ADAMTSL1: variants seen among roughly 807,000 people sequenced by gnomAD.
ADAMTSL1 encodes the protein ADAMTS like 1, also known as ADAMTS-like protein 1.
A neutral mutation model predicts 201.8 loss-of-function variants in ADAMTSL1; 126 were observed. The ratio of observed to expected loss-of-function variants is 0.62; its 90% confidence interval spans 0.54 to 0.72. ADAMTSL1 has a LOEUF of 0.72. Among genes scored for constraint, ADAMTSL1 ranks in the 30% least tolerant of loss-of-function variants. ADAMTSL1 has a pLI of 0.00. For synonymous variants in ADAMTSL1, 1,121 were observed against 903.4 expected (o/e 1.24, Z -4.32); for missense variants, 2,679 against 2,277.8 (o/e 1.18, Z -3.59).
chr9:18,667,621 T>G (rs558879917), intron 9 of ADAMTSL1, among the ~76,000 whole-genome samples: 1 of 152,294 alleles, frequency 6.6e-6, no homozygotes, highest in Admixed American at 6.5e-5. Context: ...TTTAAAGAGC[T>G]TAGCAGAGTA....
intron 4 of ADAMTSL1, among the ~76,000 whole-genome samples, chr9:18,581,863 C>T (rs1352178787): frequency 6.6e-6 from 1 of 152,220 alleles, no homozygotes; most frequent in African/African-American, 2.4e-5. Context: ...GGCAGCCCTT[C>T]CCTCTCAGCT....
chr9:18,232,125 C>G (rs920445220), intron 2 of ADAMTSL1, among the ~76,000 whole-genome samples: 3 of 152,178 alleles, frequency 2.0e-5, no homozygotes, highest in African/African-American at 7.2e-5. Context: ...AGGAGCCCAT[C>G]TCCTATTTAC....
At chr9:18,509,671 G>T (rs534151080) in intron 2 of ADAMTSL1, among the ~76,000 whole-genome samples, 1 of 152,216 alleles carries the variant, frequency 6.6e-6, no homozygotes, top group African/African-American at 2.4e-5. Flanking sequence ...GTAAGAGAGA[G>T]CAATTCCCAG....
At position 18,887,806 on chromosome 9, in the gene ADAMTSL1, C is replaced by G. The variant is rs185109127; in HGVS notation, c.4250-25C>G. On this transcript the variant is annotated intron_variant, in intron 23 of 28. Coordinates refer to ENST00000380548, the MANE Select transcript of ADAMTSL1 (RefSeq NM_001040272.6). Reference sequence around the variant, plus strand: ...TGTGTTCCTTATGGCTTTACTAAGGCTTACTTCTTTTCCTCTCCTTCTAGG... The same window carrying G: ...TGTGTTCCTTATGGCTTTACTAAGGGTTACTTCTTTTCCTCTCCTTCTAGG... 2.3e-4 allele frequency: 361 copies of G among 1,598,306 alleles called. 1 individual carries two copies. Among genetic ancestry groups the G allele is most frequent in the Admixed American group, 6.2e-4 (37 of 59,412 alleles).
intron 2 of ADAMTSL1, among the ~76,000 whole-genome samples, chr9:18,328,096 C>G (rs1480646836): frequency 1.3e-5 from 2 of 152,170 alleles, no homozygotes; most frequent in African/African-American, 4.8e-5. Flanking sequence ...CAAAGATCAT[C>G]AGAGATTATG....
intron 3 of ADAMTSL1, among the ~76,000 whole-genome samples, chr9:18,543,981 C>T (rs1753477835): frequency 6.6e-6 from 1 of 152,178 alleles, no homozygotes; most frequent in South Asian, 2.1e-4. Context: ...TCCTCTGCTT[C>T]AACTCTGACT....
chr9:18,506,105 A>G (rs1362365829), intron 2 of ADAMTSL1, among the ~76,000 whole-genome samples: 1 of 152,210 alleles, frequency 6.6e-6, no homozygotes, highest in Non-Finnish European at 1.5e-5. Flanking sequence ...GGTGTGCACT[A>G]AAAATGGGTC....
At chr9:18,331,758 A>G (rs1258775274) in intron 2 of ADAMTSL1, among the ~76,000 whole-genome samples, 1 of 152,204 alleles carries the variant, frequency 6.6e-6, no homozygotes, top group African/African-American at 2.4e-5. Context: ...ATCAGATGCT[A>G]GAGTTTTAGT....
At chr9:17,952,433 T>C (rs1343777120) in intron 1 of ADAMTSL1, among the ~76,000 whole-genome samples, 3 of 152,186 alleles carry the variant, frequency 2.0e-5, no homozygotes, top group African/African-American at 4.8e-5. Flanking sequence ...AATTTAGTTA[T>C]TCCAAGACAG....
intron 1 of ADAMTSL1, among the ~76,000 whole-genome samples, chr9:17,932,224 T>A (rs1328047344): frequency 1.3e-5 from 2 of 152,178 alleles, no homozygotes; most frequent in East Asian, 3.8e-4. Context: ...TGATTCTGTT[T>A]TTAGCTGCCA....
chr9:17,948,307 T>C (rs1014082457), intron 1 of ADAMTSL1, among the ~76,000 whole-genome samples: 4 of 152,222 alleles, frequency 2.6e-5, no homozygotes, highest in Non-Finnish European at 5.9e-5. Flanking sequence ...CTTTATTTCC[T>C]ACACATATTT....
At chr9:18,324,352 C>T (rs2132869936) in intron 2 of ADAMTSL1, among the ~76,000 whole-genome samples, 1 of 151,722 alleles carries the variant, frequency 6.6e-6, no homozygotes, top group East Asian at 1.9e-4. Flanking sequence ...AAATATCAAG[C>T]CTTTTGTAAT....
intron 4 of ADAMTSL1, among the ~76,000 whole-genome samples, chr9:18,601,933 A>G (rs1824687965): frequency 6.6e-6 from 1 of 151,612 alleles, no homozygotes; most frequent in African/African-American, 2.4e-5. Context: ...TATTGGTTAG[A>G]GATTCAGTCT....
At chr9:18,500,975 CCTTTT>C in intron 1 of ADAMTSL1, among the ~76,000 whole-genome samples, 1 of 152,290 alleles carries the variant, frequency 6.6e-6, no homozygotes, top group Admixed American at 6.5e-5. Flanking sequence ...CCATAACCTT[CCTTTT>C]GAGACATTGA....
chr9:18,840,672 G>A (rs1169154725), intron 23 of ADAMTSL1, among the ~76,000 whole-genome samples: 2 of 152,056 alleles, frequency 1.3e-5, no homozygotes, highest in African/African-American at 4.8e-5. Flanking sequence ...CCATGAGCAT[G>A]GAATGTTCTT....
chr9:18,496,745 C>T (rs181926526), intron 1 of ADAMTSL1, among the ~76,000 whole-genome samples: 7 of 152,324 alleles, frequency 4.6e-5, no homozygotes, highest in African/African-American at 1.4e-4. Context: ...TTCCAAACCC[C>T]AACATGTGCT....
chr9:18,492,332 C>T (rs969926620), intron 1 of ADAMTSL1, among the ~76,000 whole-genome samples: 1 of 152,114 alleles, frequency 6.6e-6, no homozygotes, highest in African/African-American at 2.4e-5. Flanking sequence ...GAGACTTTTG[C>T]TTACAAGTAT....
chr9:18,637,975 C>T (rs1471154103), intron 6 of ADAMTSL1, among the ~76,000 whole-genome samples: 1 of 152,080 alleles, frequency 6.6e-6, no homozygotes, highest in Non-Finnish European at 1.5e-5. Flanking sequence ...TCTACAAGTG[C>T]CTGTGAGGCA....
intron 2 of ADAMTSL1, among the ~76,000 whole-genome samples, chr9:18,519,507 GTATTTAA>G (rs1818555829): frequency 6.6e-6 from 1 of 152,108 alleles, no homozygotes; most frequent in Non-Finnish European, 1.5e-5. Context: ...AATTCCTTCT[GTATTTAA>G]TATTCAGATC....
Sources: gnomAD v4.1 joint callset for allele counts (sites outside exome capture counted in the v4.1 genomes callset) on GRCh38, gnomAD v4.1.1 for gene constraint, MANE v1.5 for transcripts, NCBI Gene and HGNC (gene_info 2026-07-23, HGNC 2026-07-21) for gene names.